The following ZBTB20 variants were observed in gnomAD, a reference collection of about 807,000 sequenced individuals.
ZBTB20 encodes zinc finger and BTB domain containing 20, also known as zinc finger and BTB domain-containing protein 20.
Under a neutral mutation model 56.9 loss-of-function variants are expected in ZBTB20, and 9 were observed. The ratio of observed to expected loss-of-function variants is 0.16; its 90% confidence interval spans 0.10 to 0.28. The LOEUF (loss-of-function observed/expected upper bound fraction) is 0.28, where lower values mean the gene tolerates loss of function less well. ZBTB20 is among the 10% of genes least tolerant of loss of function. The pLI is 1.00. For missense variants in ZBTB20, 655 were observed against 1,003.0 expected (o/e 0.65, Z 4.69); for synonymous variants, 417 against 420.7 (o/e 0.99, Z 0.11).
At chr3:115,002,051 T>C (rs2079272738) in intron 2 of ZBTB20, among the ~76,000 whole-genome samples, 1 of 151,478 alleles carries the variant, frequency 6.6e-6, no homozygotes, top group South Asian at 2.1e-4. Flanking sequence ...CTTAGATCAA[T>C]GGAACAGAAG....
intron 6 of ZBTB20, among the ~76,000 whole-genome samples, chr3:114,630,663 T>C (rs937046641): frequency 2.0e-5 from 3 of 152,200 alleles, no homozygotes; most frequent in African/African-American, 2.4e-5. Flanking sequence ...GCTGCCAAAG[T>C]AGTGCATGAC....
At chr3:114,629,122 G>A (rs751037266) in intron 6 of ZBTB20, among the ~76,000 whole-genome samples, 2 of 152,090 alleles carry the variant, frequency 1.3e-5, no homozygotes, top group African/African-American at 2.4e-5. Flanking sequence ...TTAAGATTCA[G>A]GGCTCATAGG....
chr3:114,676,222 G>A (rs1046784618), intron 6 of ZBTB20, among the ~76,000 whole-genome samples: 2 of 152,130 alleles, frequency 1.3e-5, no homozygotes, highest in Non-Finnish European at 2.9e-5. Flanking sequence ...GTATTCATTT[G>A]CACACCGTCC....
intron 4 of ZBTB20, among the ~76,000 whole-genome samples, chr3:114,880,326 T>A (rs1004538027): frequency 6.6e-6 from 1 of 152,082 alleles, no homozygotes; most frequent in Non-Finnish European, 1.5e-5. Flanking sequence ...GCCTGCAACA[T>A]CTCTTAGACA....
At chr3:114,629,574 A>T (rs1304644226) in intron 6 of ZBTB20, among the ~76,000 whole-genome samples, 1 of 152,186 alleles carries the variant, frequency 6.6e-6, no homozygotes, top group Non-Finnish European at 1.5e-5. Context: ...TTTTCAGTGC[A>T]GCAGCAAATT....
At chr3:114,532,872 A>G (rs1338653623) in intron 6 of ZBTB20, among the ~76,000 whole-genome samples, 2 of 152,116 alleles carry the variant, frequency 1.3e-5, no homozygotes, top group Non-Finnish European at 2.9e-5. Flanking sequence ...TGTCCAGCAA[A>G]CTCCAGCAGA....
chr3:114,609,287 G>C (rs2057381495), intron 6 of ZBTB20, among the ~76,000 whole-genome samples: 2 of 152,144 alleles, frequency 1.3e-5, no homozygotes, highest in Non-Finnish European at 2.9e-5. Flanking sequence ...ATTGAATTTT[G>C]AAGAAAAGAA....
At chr3:114,984,003 T>C (rs1161485213) in intron 2 of ZBTB20, among the ~76,000 whole-genome samples, 1 of 151,974 alleles carries the variant, frequency 6.6e-6, no homozygotes, top group Non-Finnish European at 1.5e-5. Context: ...CCAGTTTTGC[T>C]CTCTGAATTT....
chr3:114,571,373 C>T (rs991815179), intron 6 of ZBTB20, among the ~76,000 whole-genome samples: 32 of 152,188 alleles, frequency 2.1e-4, no homozygotes, highest in African/African-American at 7.7e-4. Context: ...TTCAAGCTTA[C>T]CTCTCAAGTC....
chr3:114,432,986 CAG>C lies in ZBTB20; in HGVS notation c.-254-43883_-254-43882del, dbSNP rs58153644. Among the ~76,000 whole-genome samples, 306 of 152,254 alleles carry C rather than the reference CAG, an allele frequency of 2.0e-3. 2 individuals are homozygous for C. Among genetic ancestry groups the C allele is most frequent in the African/African-American group, 6.3e-3 (263 of 41,558 alleles). On this transcript the variant is annotated intron_variant, in intron 7 of 11. Transcript: ENST00000675478. The stretch of plus-strand genomic sequence containing the variant: ...CTCAGGTCCATGGATAAGCTTGAAA[CAG>C]GGTGTACAAAACCATTTGGTGTGCT...
intron 6 of ZBTB20, among the ~76,000 whole-genome samples, chr3:114,565,147 G>T (rs966903483): frequency 2.0e-5 from 3 of 152,164 alleles, no homozygotes; most frequent in Non-Finnish European, 4.4e-5. Context: ...CCAACAGCTG[G>T]TGCTACAAAT....
chr3:114,970,743 C>T (rs1259221654), intron 3 of ZBTB20, among the ~76,000 whole-genome samples: 3 of 152,062 alleles, frequency 2.0e-5, no homozygotes, highest in South Asian at 2.1e-4. Flanking sequence ...CAGCCGGGGG[C>T]GGTGGCTCAC....
At chr3:115,007,012 A>G (rs1576547352) in intron 2 of ZBTB20, among the ~76,000 whole-genome samples, 1 of 151,810 alleles carries the variant, frequency 6.6e-6, no homozygotes, top group Admixed American at 6.6e-5. Flanking sequence ...AGTCTTTCAG[A>G]TTGTTAGTAA....
At chr3:114,541,904 A>C (rs144104523) in intron 6 of ZBTB20, among the ~76,000 whole-genome samples, 7 of 152,274 alleles carry the variant, frequency 4.6e-5, no homozygotes, top group Admixed American at 6.5e-5. Context: ...AGGAAGAACG[A>C]GTGAAGTAAT....
intron 6 of ZBTB20, among the ~76,000 whole-genome samples, chr3:114,611,969 T>C (rs2057592389): frequency 6.6e-6 from 1 of 152,240 alleles, no homozygotes; most frequent in Non-Finnish European, 1.5e-5. Context: ...TCTGCCTGCC[T>C]TTTGGAATTC....
At chr3:115,075,807 A>C (rs1328760767) in intron 1 of ZBTB20, among the ~76,000 whole-genome samples, 1 of 152,146 alleles carries the variant, frequency 6.6e-6, no homozygotes, top group Non-Finnish European at 1.5e-5. Flanking sequence ...AAGAAACAAA[A>C]GCCATTCAAA....
intron 5 of ZBTB20, among the ~76,000 whole-genome samples, chr3:114,722,961 T>C (rs975323101): frequency 2.0e-5 from 3 of 152,212 alleles, no homozygotes; most frequent in Non-Finnish European, 4.4e-5. Context: ...GCAGTTTCTT[T>C]CGTCTAAAGT....
chr3:114,661,216 C>T (rs149109428), intron 6 of ZBTB20, among the ~76,000 whole-genome samples: 18 of 151,938 alleles, frequency 1.2e-4, no homozygotes, highest in East Asian at 5.8e-4. Flanking sequence ...GGAAAGCTCA[C>T]GAAAATGACC....
At chr3:114,801,361 C>A (rs1486938347) in intron 4 of ZBTB20, among the ~76,000 whole-genome samples, 187 bp from the exon 5 acceptor site, 13 of 138,980 alleles carry the variant, frequency 9.4e-5, no homozygotes, top group Admixed American at 7.4e-5. Flanking sequence ...ACCCTCTTCC[C>A]AGAGTAGTTT....
Sources: gnomAD v4.1 joint callset for allele counts (sites outside exome capture counted in the v4.1 genomes callset) on GRCh38, gnomAD v4.1.1 for gene constraint, MANE v1.5 for transcripts, NCBI Gene and HGNC (gene_info 2026-07-23, HGNC 2026-07-21) for gene names.